CASK: variants seen among roughly 807,000 people sequenced by gnomAD.
The protein encoded by CASK is peripheral plasma membrane protein CASK.
CASK carries 4 observed loss-of-function variants against 82.9 expected under a neutral mutation model. The observed-to-expected ratio is 0.05, with a 90% confidence interval of 0.02 to 0.11. The LOEUF (loss-of-function observed/expected upper bound fraction) is 0.11, where lower values mean the gene tolerates loss of function less well. Ranked by LOEUF, CASK falls within the 10% of genes least tolerant of loss-of-function variation. The pLI, the probability that CASK is intolerant of heterozygous loss-of-function variation, is 1.00. For synonymous variants in CASK, 259 were observed against 253.5 expected (o/e 1.02, Z -0.20); for missense variants, 358 against 720.9 (o/e 0.50, Z 5.76).
intron 3 of CASK, among the ~76,000 whole-genome samples, chrX:41,775,023 A>C (rs1415826171): frequency 6.3e-5 from 7 of 110,645 alleles, no homozygotes; most frequent in Non-Finnish European, 1.1e-4. Flanking sequence ...CCAAAGCCAA[A>C]ATTGACAAAT....
At chrX:41,750,957 C>T (rs2068778186) in intron 3 of CASK, among the ~76,000 whole-genome samples, 1 of 112,754 alleles carries the variant, frequency 8.9e-6, no homozygotes, top group Non-Finnish European at 1.9e-5. Flanking sequence ...CAGATTGGTA[C>T]TTATCTGCAA....
intron 1 of CASK, 28 bp downstream of exon 1, chrX:41,922,902 A>G (rs770627347): frequency 5.9e-6 from 7 of 1,196,167 alleles, no homozygotes; most frequent in Non-Finnish European, 7.9e-6. Flanking sequence ...ATTTTTCCAC[A>G]CTCCCGCTCC....
chrX:41,598,730 G>A (rs1202877137), intron 12 of CASK, among the ~76,000 whole-genome samples: 7 of 111,690 alleles, frequency 6.3e-5, no homozygotes, highest in African/African-American at 2.3e-4. Context: ...GATATTACAA[G>A]TTACAAAAAG....
intron 1 of CASK, among the ~76,000 whole-genome samples, chrX:41,889,260 C>T (rs919844886): frequency 9.0e-6 from 1 of 110,764 alleles, no homozygotes; most frequent in African/African-American, 3.3e-5. Flanking sequence ...ATTTACATTC[C>T]CACCAACAGT....
chrX:41,555,107 A>G (rs1160925242), intron 20 of CASK, among the ~76,000 whole-genome samples: 5 of 112,739 alleles, frequency 4.4e-5, no homozygotes, highest in Admixed American at 1.9e-4. Flanking sequence ...TAACACAGGT[A>G]TATCAGGATG....
intron 1 of CASK, among the ~76,000 whole-genome samples, chrX:41,912,216 T>G (rs1394647030): frequency 9.1e-6 from 1 of 110,276 alleles, no homozygotes; most frequent in Non-Finnish European, 1.9e-5. Context: ...TTAAAAGAAT[T>G]TTTTTAAGAC....
At chrX:41,627,774 G>A (rs903257765) in intron 9 of CASK, among the ~76,000 whole-genome samples, 3 of 112,584 alleles carry the variant, frequency 2.7e-5, no homozygotes, top group Non-Finnish European at 3.8e-5. Flanking sequence ...AGGCCGAGGC[G>A]GGTGGAACAC....
At chrX:41,727,078 T>C (rs763897506) in intron 5 of CASK, 2 of 1,166,661 alleles carry the variant, frequency 1.7e-6, no homozygotes, top group Admixed American at 4.4e-5. Flanking sequence ...TTCCATGGCT[T>C]TACCAATCAT....
intron 1 of CASK, among the ~76,000 whole-genome samples, chrX:41,863,431 A>T (rs2071530065): frequency 8.9e-6 from 1 of 111,767 alleles, no homozygotes; most frequent in Admixed American, 9.5e-5. Flanking sequence ...TGCTGGAAAC[A>T]TCCCCATAGA....
intron 15 of CASK, 49 bp from the exon 16 acceptor site, chrX:41,569,795 A>G: frequency 1.4e-6 from 1 of 732,084 alleles, no homozygotes; most frequent in Non-Finnish European, 2.1e-6. Context: ...TTACTATGAC[A>G]GTGCTTCTCT....
intron 3 of CASK, among the ~76,000 whole-genome samples, chrX:41,746,943 C>A (rs774942561): frequency 9.0e-6 from 1 of 111,654 alleles, no homozygotes; most frequent in Non-Finnish European, 1.9e-5. Flanking sequence ...TATAGCTATA[C>A]CTACTGGGTG....
intron 1 of CASK, among the ~76,000 whole-genome samples, chrX:41,912,684 C>T (rs1202382985): frequency 1.9e-5 from 2 of 105,856 alleles, no homozygotes; most frequent in African/African-American, 3.4e-5. Flanking sequence ...TGCCTGTAAT[C>T]GCAGCGCTTT....
At chrX:41,535,024 A>T (rs1337264571) in intron 22 of CASK, 51 bp from the exon 23 acceptor site, 1 of 769,813 alleles carries the variant, frequency 1.3e-6, no homozygotes, top group Non-Finnish European at 1.9e-6. Context: ...TGACTATTTC[A>T]TGTACATAAA....
At chrX:41,594,946 G>A (rs1324701234) in intron 12 of CASK, among the ~76,000 whole-genome samples, 1 of 111,903 alleles carries the variant, frequency 8.9e-6, no homozygotes, top group African/African-American at 3.3e-5. Flanking sequence ...TGTTTAAGTG[G>A]TTCTTTTTCT....
intron 2 of CASK, among the ~76,000 whole-genome samples, chrX:41,847,766 C>T (rs756107282): frequency 1.8e-5 from 2 of 112,126 alleles, no homozygotes; most frequent in African/African-American, 6.5e-5. Flanking sequence ...AGTCTGTATT[C>T]TTTTTTATGT....
At position 41,709,013 on chromosome X, in the gene CASK, T is replaced by C. The variant is rs780552950; in HGVS notation, c.429+30371A>G. Among the ~76,000 whole-genome samples, 4 of 112,070 alleles carry C rather than the reference T, an allele frequency of 3.6e-5. No individual in the cohort carries two copies. The Admixed American group carries it at 3.8e-4, about 11-fold the overall frequency. On this transcript the variant is annotated intron_variant, in intron 5 of 26. Transcript: ENST00000378163. ...GAGGCAACATGAAAATATTAGAAAC[T>C]ATGCCACATACAGTGCTGTTTGAGA...
intron 1 of CASK, among the ~76,000 whole-genome samples, chrX:41,892,020 T>A (rs1421798482): frequency 9.1e-6 from 1 of 110,103 alleles, no homozygotes; most frequent in Non-Finnish European, 1.9e-5. Context: ...TGAGACCCCA[T>A]CTCTAAAACA....
intron 2 of CASK, among the ~76,000 whole-genome samples, chrX:41,850,438 T>C (rs1362074351): frequency 9.1e-6 from 1 of 110,320 alleles, no homozygotes. Flanking sequence ...AGAAAAAATA[T>C]TGAGGTAATT....
chrX:41,731,757 T>C (rs904783267), intron 5 of CASK, among the ~76,000 whole-genome samples: 3 of 110,600 alleles, frequency 2.7e-5, no homozygotes, highest in Non-Finnish European at 5.7e-5. Context: ...TAGTAAATAT[T>C]TTACTTAAAA....
Sources: gnomAD v4.1 joint callset for allele counts (sites outside exome capture counted in the v4.1 genomes callset) on GRCh38, gnomAD v4.1.1 for gene constraint, MANE v1.5 for transcripts, NCBI Gene and HGNC (gene_info 2026-07-23, HGNC 2026-07-21) for gene names.